The following MCU variants were observed in gnomAD, a reference collection of about 807,000 sequenced individuals.
MCU encodes the protein mitochondrial calcium uniporter, also known as calcium uniporter protein, mitochondrial.
Under a neutral mutation model 45.2 loss-of-function variants are expected in MCU, and 12 were observed. The ratio of observed to expected loss-of-function variants is 0.27; its 90% CI spans 0.17 to 0.43. The LOEUF is 0.43. Ranked by LOEUF, MCU falls within the 20% of genes least tolerant of loss-of-function variation. The pLI is 1.00. For missense variants in MCU, 324 were observed against 436.7 expected, an observed-to-expected ratio of 0.74 and a Z score of 2.30; for synonymous variants, 160 against 165.1, an observed-to-expected ratio of 0.97 and a Z score of 0.24.
chr10:72,734,789 T>A (rs112179046), intron 1 of MCU, among the ~76,000 whole-genome samples: 2,126 of 148,630 alleles, frequency 0.014, 37 homozygotes, highest in African/African-American at 0.046. Context: ...ATTAAAAAAA[T>A]TTTTTTTTTT....
chr10:72,864,999 A>G (rs1214000005), intron 4 of MCU, among the ~76,000 whole-genome samples: 1 of 152,238 alleles, frequency 6.6e-6, no homozygotes, highest in Non-Finnish European at 1.5e-5. Context: ...TATATAAAGT[A>G]TAACAATCAG....
intron 1 of MCU, among the ~76,000 whole-genome samples, chr10:72,801,014 G>A (rs748531034): frequency 6.6e-6 from 1 of 151,654 alleles, no homozygotes; most frequent in Non-Finnish European, 1.5e-5. Flanking sequence ...GTGGAAGGCC[G>A]GAAGTTTGAG....
intron 6 of MCU, among the ~76,000 whole-genome samples, chr10:72,873,811 C>T (rs775427198): frequency 3.9e-5 from 6 of 152,122 alleles, no homozygotes; most frequent in Non-Finnish European, 8.8e-5. Context: ...TTTCATTCTT[C>T]GGCATATGGT....
At chr10:72,721,670 G>A (rs1843024077) in intron 1 of MCU, among the ~76,000 whole-genome samples, 1 of 151,992 alleles carries the variant, frequency 6.6e-6, no homozygotes, top group African/African-American at 2.4e-5. Context: ...TATATTCTCA[G>A]TAAGGTCTTC....
chr10:72,823,888 C>T (rs995086395), intron 1 of MCU, among the ~76,000 whole-genome samples: 2 of 151,980 alleles, frequency 1.3e-5, no homozygotes, highest in African/African-American at 4.8e-5. Context: ...AGCCAAACCT[C>T]ATCTCCACAA....
chr10:72,699,771 T>C (rs2132647243), intron 1 of MCU, among the ~76,000 whole-genome samples: 1 of 151,950 alleles, frequency 6.6e-6, no homozygotes, highest in South Asian at 2.1e-4. Context: ...TTTGTATTTT[T>C]AGTAGAGATG....
At chr10:72,814,401 C>A (rs1844593856) in intron 1 of MCU, among the ~76,000 whole-genome samples, 1 of 151,898 alleles carries the variant, frequency 6.6e-6, no homozygotes, top group Admixed American at 6.6e-5. Context: ...TTTAATATAT[C>A]TTTCATTCCC....
intron 1 of MCU, among the ~76,000 whole-genome samples, chr10:72,695,247 G>A (rs1842671561): frequency 6.6e-6 from 1 of 152,194 alleles, no homozygotes; most frequent in African/African-American, 2.4e-5. Flanking sequence ...ACTTAAGTCT[G>A]TCATTGTCCT....
At chr10:72,698,865 C>A (rs1237288053) in intron 1 of MCU, among the ~76,000 whole-genome samples, 1 of 152,016 alleles carries the variant, frequency 6.6e-6, no homozygotes, top group Non-Finnish European at 1.5e-5. Context: ...GTATAGTAGT[C>A]TGATCATGGC....
At chr10:72,867,493 C>A (rs116265803) in intron 4 of MCU, among the ~76,000 whole-genome samples, 1 of 152,132 alleles carries the variant, frequency 6.6e-6, no homozygotes, top group Non-Finnish European at 1.5e-5. Context: ...TACAGCTATT[C>A]TCTGTCTTTC....
At chr10:72,845,787 GTTT>G (rs1019361067) in intron 2 of MCU, among the ~76,000 whole-genome samples, 1 of 152,048 alleles carries the variant, frequency 6.6e-6, no homozygotes, top group East Asian at 1.9e-4. Context: ...ATATAGGAGT[GTTT>G]TTTTCTTTTT....
At chr10:72,781,545 A>G (rs1843994145) in intron 1 of MCU, among the ~76,000 whole-genome samples, 1 of 152,248 alleles carries the variant, frequency 6.6e-6, no homozygotes, top group Admixed American at 6.5e-5. Flanking sequence ...GGTTAAAACA[A>G]GCCTTTCGGA....
intron 1 of MCU, among the ~76,000 whole-genome samples, chr10:72,727,450 A>G (rs1843116316): frequency 6.6e-6 from 1 of 152,208 alleles, no homozygotes; most frequent in South Asian, 2.1e-4. Flanking sequence ...TCCCAGTGCC[A>G]GACATTTGTT....
chr10:72,846,130 C>T (rs1344532570), intron 2 of MCU, among the ~76,000 whole-genome samples: 1 of 152,066 alleles, frequency 6.6e-6, no homozygotes, highest in East Asian at 1.9e-4. Flanking sequence ...GCAACCTCTG[C>T]CTCCCAGGTT....
At chr10:72,801,071 C>A (rs758069172) in intron 1 of MCU, among the ~76,000 whole-genome samples, 1 of 152,052 alleles carries the variant, frequency 6.6e-6, no homozygotes, top group Non-Finnish European at 1.5e-5. Context: ...CCAGCCTGAA[C>A]GATAGAGTGA....
chr10:72,773,472 G>A (rs1276375317), intron 1 of MCU, among the ~76,000 whole-genome samples: 1 of 152,092 alleles, frequency 6.6e-6, no homozygotes, highest in African/African-American at 2.4e-5. Flanking sequence ...AACAAAGACT[G>A]TATATAAGAT....
At chr10:72,720,540 C>G (rs1049867619) in intron 1 of MCU, among the ~76,000 whole-genome samples, 2 of 152,204 alleles carry the variant, frequency 1.3e-5, no homozygotes, top group Non-Finnish European at 2.9e-5. Flanking sequence ...CTCATCATCT[C>G]ACTCTATCCA....
intron 1 of MCU, among the ~76,000 whole-genome samples, chr10:72,699,753 T>C (rs1441737096): frequency 1.3e-5 from 2 of 151,644 alleles, no homozygotes; most frequent in African/African-American, 4.8e-5. Flanking sequence ...CACCGCCCCC[T>C]GCCGATTTTT....
At chr10:72,863,832 T>C (rs1051728624) in intron 4 of MCU, among the ~76,000 whole-genome samples, 6 of 152,124 alleles carry the variant, frequency 3.9e-5, no homozygotes, top group Admixed American at 3.9e-4. Context: ...GCCAGGCAGG[T>C]CTTGAACTCC....
Sources: gnomAD v4.1 joint callset for allele counts (sites outside exome capture counted in the v4.1 genomes callset) on GRCh38, gnomAD v4.1.1 for gene constraint, MANE v1.5 for transcripts, NCBI Gene and HGNC (gene_info 2026-07-23, HGNC 2026-07-21) for gene names.